Variants in CTNNA2 observed in about 807,000 individuals in gnomAD.
CTNNA2 encodes catenin alpha 2, also known as catenin alpha-2.
CTNNA2 carries 42 observed loss-of-function variants against 101.0 expected under a neutral mutation model. That is an observed-to-expected ratio of 0.42 (90% CI 0.32 to 0.54). CTNNA2 has a LOEUF of 0.54. Ranked by LOEUF, CTNNA2 falls within the 20% of genes least tolerant of loss-of-function variation. CTNNA2 has a pLI of 0.14. For missense variants in CTNNA2, 871 were observed against 1,223.1 expected (o/e 0.71, Z 4.29); for synonymous variants, 450 against 456.4 (o/e 0.99, Z 0.18).
intron 3 of CTNNA2, among the ~76,000 whole-genome samples, chr2:79,852,068 A>T (rs1680758201): frequency 6.6e-6 from 1 of 152,100 alleles, no homozygotes; most frequent in Admixed American, 6.5e-5. Flanking sequence ...ATTCTGTAAT[A>T]CAGGGAGAAA....
chr2:79,568,235 C>T (rs2566542), intron 1 of CTNNA2, among the ~76,000 whole-genome samples: 126,812 of 152,198 alleles, frequency 0.83, 53,318 homozygotes, highest in African/African-American at 0.94. Flanking sequence ...AGCTAACTCT[C>T]ATTCTGAACT....
intron 7 of CTNNA2, among the ~76,000 whole-genome samples, chr2:79,965,851 GAAGAAAAGA>G (rs1300418660): frequency 4.4e-5 from 5 of 113,522 alleles, no homozygotes; most frequent in African/African-American, 1.7e-4. Context: ...AAAAAAAAAA[GAAGAAAAGA>G]AAGAAAAGAA....
At chr2:79,930,549 A>G (rs1467194108) in intron 7 of CTNNA2, among the ~76,000 whole-genome samples, 1 of 152,160 alleles carries the variant, frequency 6.6e-6, no homozygotes, top group Non-Finnish European at 1.5e-5. Context: ...CTGGACGTCC[A>G]TTTTGGATTT....
chr2:80,494,193 A>G (rs762302647), intron 9 of CTNNA2, among the ~76,000 whole-genome samples: 23 of 152,224 alleles, frequency 1.5e-4, no homozygotes, highest in Admixed American at 1.4e-3. Flanking sequence ...AGTCTTAAAC[A>G]TAAGGAGTGT....
At chr2:80,044,780 A>G (rs2104298035) in intron 7 of CTNNA2, among the ~76,000 whole-genome samples, 1 of 152,278 alleles carries the variant, frequency 6.6e-6, no homozygotes, top group African/African-American at 2.4e-5. Flanking sequence ...AGAAAGACAA[A>G]CATATAAAAA....
At chr2:79,424,030 A>C (rs1428803291) in intron 4 of CTNNA2, among the ~76,000 whole-genome samples, 1 of 152,076 alleles carries the variant, frequency 6.6e-6, no homozygotes, top group African/African-American at 2.4e-5. Flanking sequence ...CCAAAAAATA[A>C]TAAGTTGTTT....
chr2:79,531,195 C>CATATATATATATATAT (rs34087238), intron 1 of CTNNA2, among the ~76,000 whole-genome samples: 1 of 110,286 alleles, frequency 9.1e-6, no homozygotes, highest in Non-Finnish European at 1.9e-5. Context: ...TAGATACGCT[C>CATATATATATATATAT]ATATATATAT....
chr2:79,405,443 A>G (rs1040865117), intron 4 of CTNNA2, among the ~76,000 whole-genome samples: 4 of 151,936 alleles, frequency 2.6e-5, no homozygotes, highest in African/African-American at 9.7e-5. Flanking sequence ...CTCCTGTCTC[A>G]GCCTCCCAAG....
intron 7 of CTNNA2, among the ~76,000 whole-genome samples, chr2:80,004,444 A>G (rs1693183379): frequency 6.6e-6 from 1 of 152,258 alleles, no homozygotes; most frequent in South Asian, 2.1e-4. Flanking sequence ...GTTGTTACAA[A>G]TGTAAATAAG....
intron 7 of CTNNA2, among the ~76,000 whole-genome samples, chr2:80,208,474 T>G (rs1348454607): frequency 6.6e-6 from 1 of 152,200 alleles, no homozygotes; most frequent in African/African-American, 2.4e-5. Context: ...AATGTATTGA[T>G]GGATTCTCAG....
At chr2:80,058,433 G>A (rs779703485) in intron 7 of CTNNA2, among the ~76,000 whole-genome samples, 7 of 152,146 alleles carry the variant, frequency 4.6e-5, no homozygotes, top group East Asian at 1.9e-4. Context: ...TTTTATAAAC[G>A]TTCTGCTATA....
chr2:80,207,162 A>G (rs1707586495), intron 7 of CTNNA2, among the ~76,000 whole-genome samples: 1 of 152,206 alleles, frequency 6.6e-6, no homozygotes, highest in Non-Finnish European at 1.5e-5. Context: ...AATAGTTTGT[A>G]TATATTTTTA....
intron 4 of CTNNA2, among the ~76,000 whole-genome samples, chr2:79,859,117 G>A (rs1218025354): frequency 6.6e-6 from 1 of 151,958 alleles, no homozygotes; most frequent in Non-Finnish European, 1.5e-5. Context: ...TGATCGCAGG[G>A]TACTTAGATG....
At chr2:80,284,442 G>GAA (rs1037775182) in intron 7 of CTNNA2, among the ~76,000 whole-genome samples, 3 of 152,126 alleles carry the variant, frequency 2.0e-5, no homozygotes, top group Non-Finnish European at 2.9e-5. Context: ...AAAAAGGACA[G>GAA]AAGTGGTGGC....
chr2:79,387,683 G>A (rs115169396), intron 4 of CTNNA2, among the ~76,000 whole-genome samples: 433 of 152,280 alleles, frequency 2.8e-3, no homozygotes, highest in Non-Finnish European at 3.9e-3. Flanking sequence ...GGTGCTAAAT[G>A]TGGGAACTCT....
chr2:80,388,487 T>C (rs970371170), intron 7 of CTNNA2, among the ~76,000 whole-genome samples: 1 of 152,326 alleles, frequency 6.6e-6, no homozygotes, highest in South Asian at 2.1e-4. Flanking sequence ...TGTTTCCCTG[T>C]AACAGGAAAG....
chr2:79,964,777 C>G (rs1485106692), intron 7 of CTNNA2, among the ~76,000 whole-genome samples: 3 of 152,182 alleles, frequency 2.0e-5, no homozygotes, highest in Non-Finnish European at 4.4e-5. Context: ...CCCACCCCTC[C>G]AGCCTCGTTG....
At chr2:80,328,491 G>C in intron 7 of CTNNA2, 2 of 426,084 alleles carry the variant, frequency 4.7e-6, no homozygotes, top group South Asian at 3.6e-5. Flanking sequence ...GGAGCAGCAG[G>C]TAGTCCAGAG....
chr2:79,587,133 T>C (rs143922604), intron 1 of CTNNA2, among the ~76,000 whole-genome samples: 16 of 152,302 alleles, frequency 1.1e-4, no homozygotes, highest in African/African-American at 3.9e-4. Context: ...TAAACGTGTG[T>C]GCGCGTGTGT....
Sources: allele counts gnomAD v4.1 joint callset (sites outside exome capture counted in the v4.1 genomes callset), GRCh38; gene constraint gnomAD v4.1.1; transcripts MANE v1.5; gene names NCBI Gene and HGNC (gene_info 2026-07-23, HGNC 2026-07-21).